AGBL4: variants seen among roughly 807,000 people sequenced by gnomAD.
The protein encoded by AGBL4 is cytosolic carboxypeptidase 6.
Under a neutral mutation model 66.4 loss-of-function variants are expected in AGBL4, and 58 were observed. That is an observed-to-expected ratio of 0.87 (90% CI 0.71 to 1.09). The LOEUF (loss-of-function observed/expected upper bound fraction) is 1.09, where lower values mean the gene tolerates loss of function less well. Among genes scored for constraint, AGBL4 ranks in the 50% least tolerant of loss-of-function variants. The pLI, the probability that AGBL4 is intolerant of heterozygous loss-of-function variation, is 0.00. For synonymous variants in AGBL4, 234 were observed against 222.9 expected (o/e 1.05, Z -0.44); for missense variants, 579 against 631.0 (o/e 0.92, Z 0.88).
intron 8 of AGBL4, among the ~76,000 whole-genome samples, chr1:48,648,836 A>G (rs1219867359): frequency 6.6e-6 from 1 of 152,242 alleles, no homozygotes; most frequent in Non-Finnish European, 1.5e-5. Context: ...ATCAGGTTAA[A>G]GCATAGCAGT....
chr1:48,819,781 G>A (rs944669494), intron 6 of AGBL4, among the ~76,000 whole-genome samples: 1 of 152,200 alleles, frequency 6.6e-6, no homozygotes, highest in Non-Finnish European at 1.5e-5. Context: ...CCAATGTATG[G>A]TGTTTCTGTT....
intron 3 of AGBL4, chr1:49,471,969 A>G (rs1243952416): frequency 6.6e-6 from 1 of 152,026 alleles, no homozygotes; most frequent in Non-Finnish European, 1.5e-5. Context: ...AGTAGAGGAA[A>G]TGTGGGGTAC....
intron 2 of AGBL4, among the ~76,000 whole-genome samples, chr1:49,720,045 C>T (rs890148165): frequency 2.0e-5 from 3 of 152,084 alleles, no homozygotes; most frequent in African/African-American, 7.2e-5. Context: ...TGGACTAATA[C>T]AGACATGTTA....
intron 3 of AGBL4, among the ~76,000 whole-genome samples, chr1:49,641,453 C>A (rs1645778755): frequency 6.6e-6 from 1 of 151,996 alleles, no homozygotes; most frequent in Non-Finnish European, 1.5e-5. Context: ...GAAAGTGAAA[C>A]CTTATCACAT....
chr1:49,831,881 A>T (rs2148016119), intron 2 of AGBL4, among the ~76,000 whole-genome samples: 1 of 152,172 alleles, frequency 6.6e-6, no homozygotes, highest in African/African-American at 2.4e-5. Context: ...GGCTGTTGTC[A>T]TTGGTTCTGT....
chr1:49,017,314 T>C (rs575098065), intron 5 of AGBL4, among the ~76,000 whole-genome samples: 1 of 152,328 alleles, frequency 6.6e-6, no homozygotes, highest in South Asian at 2.1e-4. Context: ...CTTACAACTT[T>C]GAGTTTCTTG....
chr1:49,719,897 G>A (rs1288381159), intron 2 of AGBL4, among the ~76,000 whole-genome samples: 1 of 152,020 alleles, frequency 6.6e-6, no homozygotes, highest in African/African-American at 2.4e-5. Flanking sequence ...ATGTGAAGAA[G>A]GATGTGTTTG....
At chr1:49,890,937 C>T (rs1300453936) in intron 1 of AGBL4, among the ~76,000 whole-genome samples, 1 of 152,028 alleles carries the variant, frequency 6.6e-6, no homozygotes, top group African/African-American at 2.4e-5. Context: ...AGCCCATGCA[C>T]ATTAATACAA....
intron 3 of AGBL4, among the ~76,000 whole-genome samples, chr1:49,419,982 G>A (rs1645508309): frequency 6.6e-6 from 1 of 152,258 alleles, no homozygotes; most frequent in East Asian, 1.9e-4. Context: ...AGCCCCTGTA[G>A]CAGGTTTAAA....
chr1:49,638,911 G>C (rs1249196005), intron 3 of AGBL4, among the ~76,000 whole-genome samples: 1 of 152,168 alleles, frequency 6.6e-6, no homozygotes, highest in African/African-American at 2.4e-5. Flanking sequence ...AAGGCAGGTG[G>C]TTAGGGACCA....
chr1:49,249,319 C>T (rs998611555), intron 3 of AGBL4, among the ~76,000 whole-genome samples: 5 of 152,032 alleles, frequency 3.3e-5, no homozygotes, highest in African/African-American at 1.2e-4. Flanking sequence ...TATTTGTAGA[C>T]TATCCATCCT....
chr1:49,535,656 TC>T (rs571508428), intron 3 of AGBL4, among the ~76,000 whole-genome samples: 68 of 152,224 alleles, frequency 4.5e-4, no homozygotes, highest in Middle Eastern at 6.8e-3. Context: ...GTATTAATTT[TC>T]TTTTACTGAT....
intron 2 of AGBL4, among the ~76,000 whole-genome samples, chr1:49,821,399 A>G (rs935176346): frequency 6.6e-6 from 1 of 152,212 alleles, no homozygotes; most frequent in East Asian, 1.9e-4. Context: ...ATCCCACAAC[A>G]TAGGGTCAAA....
At chr1:49,768,839 T>C (rs528836146) in intron 2 of AGBL4, among the ~76,000 whole-genome samples, 16 of 151,960 alleles carry the variant, frequency 1.1e-4, no homozygotes, top group Non-Finnish European at 2.1e-4. Context: ...ATAAAATAAA[T>C]ATACAAAAAT....
intron 2 of AGBL4, among the ~76,000 whole-genome samples, chr1:49,742,951 G>C (rs1191575078): frequency 6.6e-6 from 1 of 152,002 alleles, no homozygotes; most frequent in Non-Finnish European, 1.5e-5. Context: ...AAAAACCCTA[G>C]AAAAAAACCT....
rs887679784 is a variant in AGBL4, at chr1:49,542,918, A to C, written c.282+154395T>G. On this transcript the variant is annotated intron_variant, in intron 3 of 13. Transcript: ENST00000371839. ...CATCAAAAAAAAAAAAAAAAAAAAA[A>C]AAAAAAACTCAACAACTCTAGAAAC... Among the ~76,000 whole-genome samples the C allele has an allele frequency of 2.5e-4, 37 of 150,704 alleles. 1 individual carries two copies. Among genetic ancestry groups the C allele is most frequent in the Admixed American group, 2.4e-3 (36 of 15,074 alleles).
chr1:49,357,203 T>C (rs944731746), intron 3 of AGBL4, among the ~76,000 whole-genome samples: 1 of 152,226 alleles, frequency 6.6e-6, no homozygotes, highest in Non-Finnish European at 1.5e-5. Context: ...CCCTCCTGCT[T>C]CTCTGTGTCC....
In AGBL4 at chr1:49,674,435, C is replaced by T. The variant is rs1324821348; in HGVS notation, c.282+22878G>A. On this transcript the variant is annotated intron_variant, in intron 3 of 13. Transcript: ENST00000371839. ...CATCTTAACTTGCCCAATTGCCCAG[C>T]CCATGCTTGCTATTTCTACTCTACA... 4.0e-5 allele frequency among the ~76,000 whole-genome samples: 6 copies of T among 151,186 alleles called. No homozygotes were observed. In the East Asian group the frequency reaches 1.2e-3, roughly 29 times the overall value.
intron 3 of AGBL4, among the ~76,000 whole-genome samples, chr1:49,571,279 G>GT (rs1056768155): frequency 1.3e-4 from 20 of 151,828 alleles, no homozygotes; most frequent in African/African-American, 4.6e-4. Context: ...GTGTATTGTG[G>GT]TTTTCCTTAT....
Sources: gnomAD v4.1 joint callset for allele counts (sites outside exome capture counted in the v4.1 genomes callset) on GRCh38, gnomAD v4.1.1 for gene constraint, MANE v1.5 for transcripts, NCBI Gene and HGNC (gene_info 2026-07-23, HGNC 2026-07-21) for gene names.